TNFSF15: variants seen among roughly 807,000 people sequenced by gnomAD.
TNFSF15 encodes the protein tumor necrosis factor ligand superfamily member 15.
TNFSF15 carries 15 observed loss-of-function variants against 26.4 expected under a neutral mutation model. The ratio of observed to expected loss-of-function variants is 0.57; its 90% CI spans 0.38 to 0.87. The LOEUF is 0.87. Ranked by LOEUF, TNFSF15 falls within the 40% of genes least tolerant of loss-of-function variation. The pLI is 0.00. For missense variants in TNFSF15, 290 were observed against 306.1 expected, an observed-to-expected ratio of 0.95 and a Z score of 0.39; for synonymous variants, 116 against 115.0, an observed-to-expected ratio of 1.01 and a Z score of -0.06.
At chr9:114,802,248 T>TTTTTGG (rs985579432) in intron 1 of TNFSF15, among the ~76,000 whole-genome samples, 9 of 152,192 alleles carry the variant, frequency 5.9e-5, no homozygotes, top group Admixed American at 4.6e-4. Context: ...ACTTTGGTTT[T>TTTTTGG]TTTTGTTTTT....
chr9:114,799,522 T>C (rs1002158767), intron 1 of TNFSF15, among the ~76,000 whole-genome samples: 1 of 152,176 alleles, frequency 6.6e-6, no homozygotes, highest in Non-Finnish European at 1.5e-5. Flanking sequence ...GGACAGACAT[T>C]CACTAGGCTT....
rs1157644574 is a variant in TNFSF15 at position 114,785,451 on chromosome 9, A to G, written c.*5001T>C. ...AGGCCTGCCAGGTTTGTAATGATCA[A>G]CTAGAACACATGGAAGTCAATGAAC... On this transcript the variant is annotated 3_prime_UTR_variant, in exon 4 of 4. Transcript: ENST00000374045. 1.4e-4 allele frequency: 22 copies of G among 152,244 alleles called. No individual in the cohort carries two copies. The highest frequency in any genetic ancestry group is 1.3e-3 in the Admixed American group (20 of 15,288). The allele number at this position is 152,244 out of a possible 1,614,324, so 9.4% of individuals were successfully genotyped here. A position where few individuals can be genotyped will look rare whatever the true frequency, so the allele number is the denominator to read the frequency against.
At chr9:114,803,446 C>T (rs767073671) in intron 1 of TNFSF15, among the ~76,000 whole-genome samples, 1 of 152,210 alleles carries the variant, frequency 6.6e-6, no homozygotes, top group African/African-American at 2.4e-5. Flanking sequence ...AAGTGAGCCA[C>T]ATTTCACTGT....
rs1223249629 is a variant in TNFSF15 at position 114,788,100 on chromosome 9, A to G, written c.*2352T>C. On this transcript the variant is annotated 3_prime_UTR_variant, in exon 4 of 4. Transcript: ENST00000374045. ...GGGTGTTAGTTCTGATCATGGAGCTAGACTAGAGTTATTGAGGAAACATTC... is the reference window on the plus strand; with the variant it reads ...GGGTGTTAGTTCTGATCATGGAGCTGGACTAGAGTTATTGAGGAAACATTC... 6.5e-6 allele frequency: 1 copy of G among 153,800 alleles called. No homozygotes were observed. Among genetic ancestry groups the G allele is most frequent in the Non-Finnish European group, 1.5e-5 (1 of 68,048 alleles). 9.5% of individuals were successfully genotyped at this position (153,800 alleles called of 1,614,324 possible).
chr9:114,793,713 T>A (rs1829639315), intron 1 of TNFSF15, 145 bp from the exon 2 acceptor site: 4 of 724,228 alleles, frequency 5.5e-6, no homozygotes, highest in Non-Finnish European at 9.4e-6. Flanking sequence ...ATGAAAATAT[T>A]TTTGTTGATG....
rs1352040137 is a variant in TNFSF15 at position 114,790,025 on chromosome 9, G to C, written c.*427C>G. ...CTGAAAGTTTATACTGTTTTCTAGA[G>C]CTTTCCTTGGACTTCCTTCAAAGCT... On this transcript the variant is annotated 3_prime_UTR_variant, in exon 4 of 4. Coordinates refer to ENST00000374045, the MANE Select transcript of TNFSF15 (RefSeq NM_005118.4). The C allele has an allele frequency of 6.4e-6, 1 of 155,602 alleles. No homozygotes were observed. Among genetic ancestry groups the C allele is most frequent in the Non-Finnish European group, 1.4e-5 (1 of 70,180 alleles). The allele number at this position is 155,602 out of a possible 1,614,324, so 9.6% of individuals were successfully genotyped here. A position where few individuals can be genotyped will look rare whatever the true frequency, so the allele number is the denominator to read the frequency against.
chr9:114,805,718 A>G lies in TNFSF15; in HGVS notation c.210+85T>C, dbSNP rs140955109. 292 of 1,319,798 alleles carry G rather than the reference A, an allele frequency of 2.2e-4. No homozygotes were observed. The African/African-American group carries it at 3.7e-3, about 17-fold the overall frequency. 81.8% of individuals were successfully genotyped at this position (1,319,798 alleles called of 1,614,324 possible). A position where few individuals can be genotyped will look rare whatever the true frequency, so the allele number is the denominator to read the frequency against. On this transcript the variant is annotated intron_variant, in intron 1 of 3. Coordinates refer to ENST00000374045, the MANE Select transcript of TNFSF15 (RefSeq NM_005118.4). ...GAAATGTGATACATCAAGAAACTCT[A>G]TCCTCTGTCCAGAGCTGAAATAGTT...
intron 1 of TNFSF15, among the ~76,000 whole-genome samples, chr9:114,799,705 G>A (rs1829716204): frequency 6.6e-6 from 1 of 152,212 alleles, no homozygotes; most frequent in African/African-American, 2.4e-5. Flanking sequence ...ATGCTCCATT[G>A]GGTGCGGATG....
chr9:114,786,071 A>G lies in TNFSF15; in HGVS notation c.*4381T>C, dbSNP rs555087552. The G allele has an allele frequency of 6.6e-6, 1 of 152,488 alleles. No homozygotes were observed. Among genetic ancestry groups the G allele is most frequent in the African/African-American group, 2.4e-5 (1 of 41,570 alleles). 9.4% of individuals were successfully genotyped at this position (152,488 alleles called of 1,614,324 possible). ...CATGGAGGTGATGGCTCTGATCCAC[A>G]TTCTCTCACCACTGGTGCAAAAGGA... On this transcript the variant is annotated 3_prime_UTR_variant, in exon 4 of 4. Transcript: ENST00000374045.
chr9:114,791,108 C>A (rs1163593800), intron 3 of TNFSF15: 4 of 627,196 alleles, frequency 6.4e-6, no homozygotes, highest in Non-Finnish European at 1.1e-5. Context: ...GGACTAGTGA[C>A]CTGGGGCAAA....
At chr9:114,792,684 C>T (rs1438919263) in intron 2 of TNFSF15, among the ~76,000 whole-genome samples, 3 of 152,182 alleles carry the variant, frequency 2.0e-5, no homozygotes, top group African/African-American at 7.2e-5. Context: ...TGAATCTTGG[C>T]CCCATGGCTT....
chr9:114,800,836 G>A (rs1037579398), intron 1 of TNFSF15, among the ~76,000 whole-genome samples: 16 of 152,150 alleles, frequency 1.1e-4, no homozygotes, highest in African/African-American at 2.9e-4. Flanking sequence ...GCTGTGATGC[G>A]GTGGAGCCAT....
chr9:114,802,011 T>G lies in TNFSF15; in HGVS notation c.210+3792A>C, dbSNP rs80071079. ...TAGGTAAATATTTTCATAAAAGGAA[T>G]GTACCACATTATATATGCTGTTAAC... On this transcript the variant is annotated intron_variant, in intron 1 of 3. Coordinates refer to ENST00000374045, the MANE Select transcript of TNFSF15 (RefSeq NM_005118.4). Among the ~76,000 whole-genome samples the G allele has an allele frequency of 2.5e-3, 377 of 152,318 alleles. 1 individual carries two copies. Among genetic ancestry groups the G allele is most frequent in the African/African-American group, 8.5e-3 (355 of 41,582 alleles).
chr9:114,805,842 G>A lies in TNFSF15; in HGVS notation c.171C>T (p.Ser57=). 1 of 1,613,788 alleles carries A rather than the reference G, an allele frequency of 6.2e-7. No individual in the cohort carries two copies. Among genetic ancestry groups the A allele is most frequent in the Non-Finnish European group, 8.5e-7 (1 of 1,180,032 alleles). ...AGGCCTCTCCCTGGGCCCGGAGCTG[G>A]CTGACAAGCAGGTATGTGGTGAGTC... The part of the protein sequence containing the change: ...LAGLTTYLLV[S]QLRAQGEACV... The change falls in exon 1 of 4, where the codon AGC becomes AGT. Residue 57 remains serine (S), a synonymous_variant. Coordinates refer to ENST00000374045, the MANE Select transcript of TNFSF15 (RefSeq NM_005118.4).
At chr9:114,792,642 G>T (rs1829622210) in intron 2 of TNFSF15, 188 bp from the exon 3 acceptor site, 1 of 1,350,164 alleles carries the variant, frequency 7.4e-7, no homozygotes, top group Non-Finnish European at 9.9e-7. Context: ...CCAAGGACAG[G>T]GTGACTCAGA....
chr9:114,803,424 T>G (rs1011771243), intron 1 of TNFSF15, among the ~76,000 whole-genome samples: 4 of 152,192 alleles, frequency 2.6e-5, no homozygotes, highest in African/African-American at 9.7e-5. Flanking sequence ...ACATGCCTAT[T>G]TTCATAGCTG....
chr9:114,800,735 T>C (rs1211718925), intron 1 of TNFSF15, among the ~76,000 whole-genome samples: 4 of 152,234 alleles, frequency 2.6e-5, no homozygotes, highest in African/African-American at 9.6e-5. Context: ...AGATGCTTTA[T>C]AGGTGTGATC....
At chr9:114,792,158 T>G (rs1047215255) in intron 3 of TNFSF15, 1 of 502,792 alleles carries the variant, frequency 2.0e-6, no homozygotes, top group Non-Finnish European at 3.5e-6. Flanking sequence ...TGGAATCAAC[T>G]TAAGTGTTCA....
rs1829518178 is a variant in TNFSF15 at position 114,787,308 on chromosome 9, A to G, written c.*3144T>C. 2 of 152,224 alleles carry G rather than the reference A, an allele frequency of 1.3e-5. No homozygotes were observed. The highest frequency in any genetic ancestry group is 4.8e-5 in the African/African-American group (2 of 41,454). 9.4% of individuals were successfully genotyped at this position (152,224 alleles called of 1,614,324 possible). On this transcript the variant is annotated 3_prime_UTR_variant, in exon 4 of 4. Transcript: ENST00000374045. ...CATCAGCCTTAATCAAATGGCATCC[A>G]TTTTCATAATGAGAATAGATCCATG...
Sources: allele counts gnomAD v4.1 joint callset (sites outside exome capture counted in the v4.1 genomes callset), GRCh38; gene constraint gnomAD v4.1.1; transcripts MANE v1.5; gene names NCBI Gene and HGNC (gene_info 2026-07-23, HGNC 2026-07-21).